The following TBC1D4 variants were observed in gnomAD, a reference collection of about 807,000 sequenced individuals.
TBC1D4 encodes the protein TBC (Tre-2, BUB2, CDC16) domain-containing protein.
In TBC1D4, 121 loss-of-function variants were observed where a neutral mutation model predicts 142.5. The observed-to-expected ratio is 0.85, with a 90% CI of 0.73 to 0.99. The LOEUF (loss-of-function observed/expected upper bound fraction) is 0.99. Ranked by LOEUF, TBC1D4 falls within the 50% of genes least tolerant of loss-of-function variation. The pLI is 0.00. For synonymous variants in TBC1D4, 630 were observed against 628.2 expected (o/e 1.00, Z -0.04); for missense variants, 1,475 against 1,606.6 (o/e 0.92, Z 1.40).
At chr13:75,413,246 C>T (rs960445202) in intron 1 of TBC1D4, among the ~76,000 whole-genome samples, 9 of 152,122 alleles carry the variant, frequency 5.9e-5, no homozygotes, top group African/African-American at 1.7e-4. Context: ...ACTGCAACCT[C>T]CGTCTCCCGG....
At chr13:75,471,360 T>G (rs1177170578) in intron 1 of TBC1D4, among the ~76,000 whole-genome samples, 2 of 152,340 alleles carry the variant, frequency 1.3e-5, no homozygotes, top group East Asian at 3.9e-4. Flanking sequence ...GGTTTAAAAT[T>G]AATGGAGCAA....
intron 8 of TBC1D4, among the ~76,000 whole-genome samples, chr13:75,336,354 A>T (rs1431202572): frequency 6.6e-6 from 1 of 151,750 alleles, no homozygotes; most frequent in Non-Finnish European, 1.5e-5. Flanking sequence ...CTGAGATCGC[A>T]CCACTGCACT....
At chr13:75,294,717 C>T (rs1287857490) in intron 18 of TBC1D4, 137 bp downstream of exon 18, 1 of 893,734 alleles carries the variant, frequency 1.1e-6, no homozygotes, top group Non-Finnish European at 1.7e-6. Flanking sequence ...CAGCCAGGCA[C>T]ATTTATTAAA....
intron 1 of TBC1D4, among the ~76,000 whole-genome samples, chr13:75,365,689 GT>G (rs1882869759): frequency 6.6e-6 from 1 of 152,086 alleles, no homozygotes; most frequent in Admixed American, 6.6e-5. Flanking sequence ...TCTTATATGT[GT>G]TGTATCTTTT....
At chr13:75,326,128 T>C in intron 10 of TBC1D4, 69 bp downstream of exon 10, 1 of 1,548,706 alleles carries the variant, frequency 6.5e-7, no homozygotes, top group Non-Finnish European at 8.9e-7. Flanking sequence ...CAATCCACCT[T>C]GACTCCAGAG....
chr13:75,449,435 G>GAT (rs36002107), intron 1 of TBC1D4, among the ~76,000 whole-genome samples: 18,181 of 151,880 alleles, frequency 0.12, 1,206 homozygotes, highest in Non-Finnish European at 0.15. Context: ...TGTAATAAAA[G>GAT]ATGTGACTGT....
intron 13 of TBC1D4, 103 bp downstream of exon 13, chr13:75,312,635 C>G (rs1181720074): frequency 2.7e-6 from 4 of 1,461,926 alleles, no homozygotes; most frequent in South Asian, 2.3e-5. Flanking sequence ...AAAGATATTT[C>G]TACACTGTAA....
intron 5 of TBC1D4, among the ~76,000 whole-genome samples, chr13:75,346,349 T>C (rs1356637574): frequency 2.0e-5 from 3 of 151,738 alleles, no homozygotes; most frequent in African/African-American, 4.8e-5. Flanking sequence ...TCCCTGTGTC[T>C]ATGTGTTCTC....
chr13:75,346,470 CA>C (rs1197150495), intron 5 of TBC1D4, among the ~76,000 whole-genome samples: 1 of 152,154 alleles, frequency 6.6e-6, no homozygotes, highest in Non-Finnish European at 1.5e-5. Flanking sequence ...CTGCAAAGGA[CA>C]TAAACTCATC....
rs528968712 is a variant in TBC1D4, at chr13:75,447,285, A to G, written c.498+33985T>C. On this transcript the variant is annotated intron_variant, in intron 1 of 20. Coordinates refer to ENST00000377636, the MANE Select transcript of TBC1D4 (RefSeq NM_014832.5). Reference sequence around the variant, plus strand: ...CTCCTATTTTCAAGTTGCTGTTGCTAAAGATTTTCATAATTTGCAGTGCAA... The same window carrying G: ...CTCCTATTTTCAAGTTGCTGTTGCTGAAGATTTTCATAATTTGCAGTGCAA... Among the ~76,000 whole-genome samples the G allele has an allele frequency of 2.6e-5, 4 of 152,324 alleles. No individual in the cohort carries two copies. The East Asian group carries it at 7.7e-4, about 29-fold the overall frequency.
intron 15 of TBC1D4, among the ~76,000 whole-genome samples, chr13:75,303,706 G>A (rs934408556): frequency 6.6e-5 from 10 of 152,158 alleles, no homozygotes; most frequent in South Asian, 6.2e-4. Flanking sequence ...ATTATTGTCC[G>A]ACAGGTGAAA....
At chr13:75,476,106 G>A (rs1415613614) in intron 1 of TBC1D4, among the ~76,000 whole-genome samples, 1 of 152,088 alleles carries the variant, frequency 6.6e-6, no homozygotes, top group African/African-American at 2.4e-5. Context: ...AGCTGGGCGT[G>A]GTGGTGCACT....
At chr13:75,470,223 C>T (rs1888342648) in intron 1 of TBC1D4, among the ~76,000 whole-genome samples, 1 of 152,138 alleles carries the variant, frequency 6.6e-6, no homozygotes, top group Admixed American at 6.5e-5. Flanking sequence ...CATAAAGTCT[C>T]TGTCACAAAT....
At chr13:75,415,865 C>A (rs1228808575) in intron 1 of TBC1D4, among the ~76,000 whole-genome samples, 1 of 152,146 alleles carries the variant, frequency 6.6e-6, no homozygotes, top group Non-Finnish European at 1.5e-5. Context: ...ATAAAGTACT[C>A]CATCACAGAC....
chr13:75,471,142 CAATTT>C lies in TBC1D4; in HGVS notation c.498+10123_498+10127del, dbSNP rs1888382471. ...TTCACACTCCACTTATTAAAATGAA[CAATTT>C]AATTTTTAAATATATATATATATAT... On this transcript the variant is annotated intron_variant, in intron 1 of 20. Coordinates refer to ENST00000377636, the MANE Select transcript of TBC1D4 (RefSeq NM_014832.5). Among the ~76,000 whole-genome samples the C allele has an allele frequency of 6.6e-5, 10 of 151,588 alleles. No homozygotes were observed. In the South Asian group the frequency reaches 1.9e-3, roughly 28 times the overall value.
In TBC1D4 at chr13:75,289,075, G is replaced by C. The variant is rs1423357917; in HGVS notation, c.3522C>G (p.Ala1174=). 6.2e-7 allele frequency: 1 copy of C among 1,613,660 alleles called. No individual in the cohort carries two copies. Among genetic ancestry groups the C allele is most frequent in the African/African-American group, 1.3e-5 (1 of 74,872 alleles). ...FEMDISKQLH[A]YEVEYHVLQD... ...GTAGCACATGATATTCCACCTCATA[G>C]GCATGCAACTGCTTAGAAATATCCA... The change falls in exon 20 of 21, where the codon GCC becomes GCG. Residue 1174 remains alanine (A), a synonymous_variant. Coordinates refer to ENST00000377636, the MANE Select transcript of TBC1D4 (RefSeq NM_014832.5).
intron 8 of TBC1D4, among the ~76,000 whole-genome samples, chr13:75,332,666 G>GA (rs1417291538): frequency 6.6e-6 from 1 of 152,048 alleles, no homozygotes; most frequent in Non-Finnish European, 1.5e-5. Flanking sequence ...AATTTTGAAG[G>GA]AAAAAGGCAT....
At chr13:75,364,750 C>A (rs902041915) in intron 1 of TBC1D4, among the ~76,000 whole-genome samples, 5 of 152,228 alleles carry the variant, frequency 3.3e-5, no homozygotes, top group Non-Finnish European at 7.3e-5. Context: ...TATTTTTAAT[C>A]TGATTTTTAA....
At chr13:75,467,044 G>A (rs1313830436) in intron 1 of TBC1D4, among the ~76,000 whole-genome samples, 1 of 151,816 alleles carries the variant, frequency 6.6e-6, no homozygotes, top group African/African-American at 2.4e-5. Context: ...CTACTAACTG[G>A]TACAATCACA....
Sources: gnomAD v4.1 joint callset for allele counts (sites outside exome capture counted in the v4.1 genomes callset) on GRCh38, gnomAD v4.1.1 for gene constraint, MANE v1.5 for transcripts, NCBI Gene and HGNC (gene_info 2026-07-23, HGNC 2026-07-21) for gene names.